Variants in UNC45B observed in about 807,000 individuals in gnomAD.
UNC45B encodes protein unc-45 homolog B.
A neutral mutation model predicts 98.7 loss-of-function variants in UNC45B; 78 were observed. That is an observed-to-expected ratio of 0.79 (90% CI 0.66 to 0.95). The LOEUF (loss-of-function observed/expected upper bound fraction) is 0.95, where lower values mean the gene tolerates loss of function less well. Among genes scored for constraint, UNC45B ranks in the 40% least tolerant of loss-of-function variants. UNC45B has a pLI of 0.00. For missense variants in UNC45B, 1,225 were observed against 1,184.9 expected, an observed-to-expected ratio of 1.03 and a Z score of -0.50; for synonymous variants, 462 against 480.4, an observed-to-expected ratio of 0.96 and a Z score of 0.50.
In UNC45B at chr17:35,186,371, G is replaced by A; in HGVS notation, c.2602G>A (p.Val868Ile). 1 of 1,614,186 alleles carries A rather than the reference G, an allele frequency of 6.2e-7. No homozygotes were observed. ...GCTGTCTGTCCAACACCGGGGCCTG[G>A]TCATTGCCTACAACCTACTGGCAGC... Reference protein sequence around the residue: ...DQLSVQHRGLVIAYNLLAADA... With the variant: ...DQLSVQHRGLIIAYNLLAADA... The change falls in exon 20 of 20, where the codon GTC becomes ATC. Residue 868 changes from valine to isoleucine, a missense_variant. By Grantham distance (29) the Val-to-Ile change is conservative (BLOSUM62 3). Coordinates refer to ENST00000394570, the MANE Select transcript of UNC45B (RefSeq NM_001267052.2).
In UNC45B at chr17:35,150,241, C is replaced by T. The variant is rs1380113072; in HGVS notation, c.381+18C>T. On this transcript the variant is annotated intron_variant, in intron 4 of 19. Coordinates refer to ENST00000394570, the MANE Select transcript of UNC45B (RefSeq NM_001267052.2). Reference sequence around the variant, plus strand: ...AGGAGAAGGTGAGCTGGGCCTCTTCCCACAACCCTTGGCTGCCCAGCCCCT... The same window carrying T: ...AGGAGAAGGTGAGCTGGGCCTCTTCTCACAACCCTTGGCTGCCCAGCCCCT... 6.3e-7 allele frequency: 1 copy of T among 1,597,648 alleles called. No individual in the cohort carries two copies. Among genetic ancestry groups the T allele is most frequent in the Non-Finnish European group, 8.5e-7 (1 of 1,171,988 alleles).
At chr17:35,179,816 G>C (rs1055337404) in intron 17 of UNC45B, among the ~76,000 whole-genome samples, 1 of 152,060 alleles carries the variant, frequency 6.6e-6, no homozygotes, top group East Asian at 1.9e-4. Context: ...CGAGTTGATG[G>C]GCGCAGCAAG....
intron 8 of UNC45B, 70 bp downstream of exon 8, chr17:35,159,615 T>C (rs1051675998): frequency 1.3e-6 from 2 of 1,537,340 alleles, no homozygotes; most frequent in Non-Finnish European, 1.8e-6. Flanking sequence ...GAACAGAAAA[T>C]GGAAGATGTG....
intron 7 of UNC45B, 35 bp from the exon 8 acceptor site, chr17:35,159,340 C>G: frequency 6.3e-7 from 1 of 1,580,926 alleles, no homozygotes; most frequent in Non-Finnish European, 8.6e-7. Flanking sequence ...AGATTTCCTA[C>G]CCCTCTCTAC....
At chr17:35,171,663 A>AT (rs1303780457) in intron 13 of UNC45B, among the ~76,000 whole-genome samples, 3 of 152,146 alleles carry the variant, frequency 2.0e-5, no homozygotes, top group African/African-American at 4.8e-5. Flanking sequence ...TTTATTTTCT[A>AT]TTTTGAAAAA....
Position 35,152,882 on chromosome 17 carries a change from TCTCTC to T in UNC45B, c.382-7_382-3del. 6.2e-7 allele frequency: 1 copy of T among 1,613,040 alleles called. No individual in the cohort carries two copies. Among genetic ancestry groups the T allele is most frequent in the Non-Finnish European group, 8.5e-7 (1 of 1,179,022 alleles). Reference sequence around the variant, plus strand: ...ACCTGCCTCCTTCCCCACTCCCTCCTCTCTCCTCAGCTCCGAGTGCAGTTCTCCAC... The same window carrying T: ...ACCTGCCTCCTTCCCCACTCCCTCCTCTCAGCTCCGAGTGCAGTTCTCCAC... On this transcript the variant is annotated splice_polypyrimidine_tract_variant and splice_region_variant and intron_variant, in intron 4 of 19. Transcript: ENST00000394570.
chr17:35,155,477 C>T lies in UNC45B; in HGVS notation c.808+13C>T. 1 of 1,612,598 alleles carries T rather than the reference C, an allele frequency of 6.2e-7. No individual in the cohort carries two copies. Among genetic ancestry groups the T allele is most frequent in the Middle Eastern group, 1.7e-4 (1 of 6,056 alleles). On this transcript the variant is annotated intron_variant, in intron 7 of 19. Transcript: ENST00000394570. Reference sequence around the variant, plus strand: ...GCCCTGGTTCTAGGTAGGAAACATTCTTCAGTTTTGATTCAAGGGGATGGG... The same window carrying T: ...GCCCTGGTTCTAGGTAGGAAACATTTTTCAGTTTTGATTCAAGGGGATGGG...
chr17:35,168,705 A>T lies in UNC45B; in HGVS notation c.1452+344A>T, dbSNP rs950129407. Among the ~76,000 whole-genome samples, 4 of 151,650 alleles carry T rather than the reference A, an allele frequency of 2.6e-5. No homozygotes were observed. In the East Asian group the frequency reaches 7.7e-4, roughly 29 times the overall value. ...TATAAGGTATTTTTTTTCCACTTTC[A>T]TTTTACTTTTTGTTTTTTTGAGATG... On this transcript the variant is annotated intron_variant, in intron 10 of 19. Coordinates refer to ENST00000394570, the MANE Select transcript of UNC45B (RefSeq NM_001267052.2).
At chr17:35,163,376 A>C (rs1331171625) in intron 8 of UNC45B, among the ~76,000 whole-genome samples, 1 of 152,178 alleles carries the variant, frequency 6.6e-6, no homozygotes, top group African/African-American at 2.4e-5. Context: ...GTGCTCATTT[A>C]TTTAACAAAG....
rs2092303855 is a variant in UNC45B at position 35,186,354 on chromosome 17, T to A, written c.2585T>A (p.Val862Asp). ...QRLCLHDQLSVQHRGLVIAYN... is the reference protein window; with the variant it reads ...QRLCLHDQLSDQHRGLVIAYN... ...CTTTGCCTGCACGACCAGCTGTCTG[T>A]CCAACACCGGGGCCTGGTCATTGCC... The change falls in exon 20 of 20, where the codon GTC becomes GAC. Residue 862 changes from valine to aspartate, a missense_variant. Val to Asp is a radical substitution (Grantham distance 152). Transcript: ENST00000394570. 1 of 1,614,156 alleles carries A rather than the reference T, an allele frequency of 6.2e-7. No individual in the cohort carries two copies. The highest frequency in any genetic ancestry group is 1.3e-5 in the African/African-American group (1 of 75,032).
In UNC45B at chr17:35,169,843, T is replaced by G; in HGVS notation, c.1459T>G (p.Cys487Gly). The part of the protein sequence containing the change: ...KIKIRTLVGL[C>G]KLGSAGGTDY... ...TGTCTCCTCTCCTCCTCAGGGACTC[T>G]GTAAGCTCGGCTCTGCAGGTGGCAC... The change falls in exon 11 of 20, where the codon TGT becomes GGT. Residue 487 changes from cysteine (C) to glycine (G), a missense_variant. Physicochemically the swap from Cys to Gly is radical, Grantham distance 159. Coordinates refer to ENST00000394570, the MANE Select transcript of UNC45B (RefSeq NM_001267052.2). 3.7e-6 allele frequency: 6 copies of G among 1,614,124 alleles called. No individual in the cohort carries two copies. Among genetic ancestry groups the G allele is most frequent in the Non-Finnish European group, 5.1e-6 (6 of 1,180,006 alleles).
At chr17:35,177,288 G>C (rs1050027504) in intron 16 of UNC45B, among the ~76,000 whole-genome samples, 158 bp downstream of exon 16, 1 of 152,154 alleles carries the variant, frequency 6.6e-6, no homozygotes, top group Non-Finnish European at 1.5e-5. Flanking sequence ...GCCTGGTTCT[G>C]CCTCTGACAA....
chr17:35,169,927 C>T lies in UNC45B; in HGVS notation c.1543C>T (p.Arg515Cys), dbSNP rs768111560. 3.7e-6 allele frequency: 6 copies of T among 1,614,124 alleles called. No individual in the cohort carries two copies. Among genetic ancestry groups the T allele is most frequent in the South Asian group, 1.1e-5 (1 of 91,068 alleles). ...GSTEKLAKQC[R>C]KWLCNMSIDT... ...GACAGAAAAACTGGCCAAACAGTGTCGCAAGTAAGGGGGCTGTGTTTCCCA... is the reference window on the plus strand; with the variant it reads ...GACAGAAAAACTGGCCAAACAGTGTTGCAAGTAAGGGGGCTGTGTTTCCCA... The change falls in exon 11 of 20, where the codon CGC becomes TGC. Residue 515 changes from arginine (R) to cysteine (C), a missense_variant. Transcript: ENST00000394570.
At chr17:35,166,540 G>A (rs1188668423) in intron 9 of UNC45B, among the ~76,000 whole-genome samples, 1 of 152,132 alleles carries the variant, frequency 6.6e-6, no homozygotes, top group Non-Finnish European at 1.5e-5. Context: ...CTGAGAGGAG[G>A]GGTCACTGCC....
chr17:35,168,106 CCAGA>C lies in UNC45B; in HGVS notation c.1201_1204del (p.Thr401CysfsTer18). The C allele has an allele frequency of 1.3e-6, 2 of 1,575,156 alleles. No homozygotes were observed. Among genetic ancestry groups the C allele is most frequent in the Non-Finnish European group, 1.7e-6 (2 of 1,160,104 alleles). On this transcript the variant is annotated frameshift_variant, in exon 10 of 20. Transcript: ENST00000394570. LOFTEE classifies it high-confidence loss of function. ...ACATGGACAAGAACTTGAATGCCAT[CCAGA>C]CAGTGTCAGGGATCCTGCAGGGCCC...
intron 9 of UNC45B, 151 bp downstream of exon 9, chr17:35,164,317 C>G (rs2092123560): frequency 1.1e-6 from 1 of 890,776 alleles, no homozygotes; most frequent in Admixed American, 3.2e-5. Flanking sequence ...CTGGGTGGCT[C>G]TGGCTTATGG....
rs2092306265 is a variant in UNC45B at position 35,186,623 on chromosome 17, T to A, written c.*64T>A. 3.2e-6 allele frequency: 5 copies of A among 1,573,904 alleles called. No homozygotes were observed. The highest frequency in any genetic ancestry group is 2.6e-6 in the Non-Finnish European group (3 of 1,154,920). ...GTGCAGAGTCCTGGGTTGGTTGGGT[T>A]CTCCTGAAGAGTCAGGTCATCTAGG... On this transcript the variant is annotated 3_prime_UTR_variant, in exon 20 of 20. Coordinates refer to ENST00000394570, the MANE Select transcript of UNC45B (RefSeq NM_001267052.2).
At chr17:35,166,086 TAAAAAAAAA>T (rs55844448) in intron 9 of UNC45B, among the ~76,000 whole-genome samples, 6 of 58,116 alleles carry the variant, frequency 1.0e-4, no homozygotes, top group Admixed American at 7.9e-4. Flanking sequence ...CCCTCATCTC[TAAAAAAAAA>T]AAAAAAAAAA....
chr17:35,155,358 TGAG>T lies in UNC45B; in HGVS notation c.706_708del (p.Glu236del), dbSNP rs779279186. On this transcript the variant is annotated inframe_deletion, in exon 7 of 20. Transcript: ENST00000394570. ...TCTGTAGCCTCATGGCCGTGGAGAA[TGAG>T]GAGATGTCTCTGGCTGTCTGCAACC... 332 of 1,614,078 alleles carry T rather than the reference TGAG, an allele frequency of 2.1e-4. No homozygotes were observed. The highest frequency in any genetic ancestry group is 2.6e-4 in the Non-Finnish European group (306 of 1,180,042).
Sources: allele counts gnomAD v4.1 joint callset (sites outside exome capture counted in the v4.1 genomes callset), GRCh38; gene constraint gnomAD v4.1.1; transcripts MANE v1.5; gene names NCBI Gene and HGNC (gene_info 2026-07-23, HGNC 2026-07-21).